The following MGMT variants were observed in gnomAD, a reference collection of about 807,000 sequenced individuals.
MGMT encodes the protein O-6-methylguanine-DNA methyltransferase.
A neutral mutation model predicts 15.9 loss-of-function variants in MGMT; 14 were observed. The ratio of observed to expected loss-of-function variants is 0.88; its 90% CI spans 0.58 to 1.37. The LOEUF is 1.37. Ranked by LOEUF, MGMT falls within the 40% of genes most tolerant of loss-of-function variation. MGMT has a pLI of 0.00. For synonymous variants in MGMT, 130 were observed against 118.2 expected (o/e 1.10, Z -0.65); for missense variants, 282 against 268.1 (o/e 1.05, Z -0.36).
intron 2 of MGMT, among the ~76,000 whole-genome samples, chr10:129,653,365 T>C (rs1233136780): frequency 1.3e-5 from 2 of 152,266 alleles, no homozygotes; most frequent in African/African-American, 4.8e-5. Context: ...GGATGGCCAG[T>C]ATCCTCTGGA....
At chr10:129,539,239 GTTTTT>G (rs926466443) in intron 2 of MGMT, among the ~76,000 whole-genome samples, 1 of 151,722 alleles carries the variant, frequency 6.6e-6, no homozygotes, top group African/African-American at 2.4e-5. Context: ...AAGCTTTGTA[GTTTTT>G]TTTATGTTTA....
chr10:129,545,690 C>G (rs529419493), intron 2 of MGMT, among the ~76,000 whole-genome samples: 2 of 152,202 alleles, frequency 1.3e-5, no homozygotes, highest in African/African-American at 4.8e-5. Flanking sequence ...CAACACACAC[C>G]TCTCATACTC....
chr10:129,650,038 ATTT>A (rs1847438882), intron 2 of MGMT, among the ~76,000 whole-genome samples: 1 of 152,180 alleles, frequency 6.6e-6, no homozygotes, highest in Non-Finnish European at 1.5e-5. Context: ...CTTGAGAAAT[ATTT>A]TTGATATTAT....
chr10:129,653,695 C>T (rs1328428267), intron 2 of MGMT, among the ~76,000 whole-genome samples: 1 of 152,208 alleles, frequency 6.6e-6, no homozygotes, highest in African/African-American at 2.4e-5. Context: ...AATGCTTCTG[C>T]TAAACAAGAG....
chr10:129,583,333 G>A (rs1846579293), intron 2 of MGMT, among the ~76,000 whole-genome samples: 1 of 152,182 alleles, frequency 6.6e-6, no homozygotes, highest in South Asian at 2.1e-4. Context: ...CTAATTCATT[G>A]TTTTTAGAGG....
At chr10:129,674,951 C>G (rs1847767542) in intron 2 of MGMT, among the ~76,000 whole-genome samples, 2 of 152,212 alleles carry the variant, frequency 1.3e-5, no homozygotes. Context: ...GAGAGAGGCA[C>G]TGCCCAGGAG....
intron 4 of MGMT, among the ~76,000 whole-genome samples, chr10:129,764,510 G>A (rs1848910836): frequency 6.6e-6 from 1 of 152,256 alleles, no homozygotes; most frequent in Non-Finnish European, 1.5e-5. Context: ...AGGTGCCCAA[G>A]AAATAGAGCT....
At chr10:129,514,511 C>G (rs1845716858) in intron 1 of MGMT, among the ~76,000 whole-genome samples, 1 of 152,160 alleles carries the variant, frequency 6.6e-6, no homozygotes, top group Non-Finnish European at 1.5e-5. Context: ...TTCATTTAAA[C>G]CACTATAATT....
intron 3 of MGMT, among the ~76,000 whole-genome samples, chr10:129,716,439 C>G (rs1564772058): frequency 6.6e-6 from 1 of 152,194 alleles, no homozygotes; most frequent in Non-Finnish European, 1.5e-5. Context: ...TGTCTGCTTT[C>G]TTTAAAAATG....
chr10:129,625,664 A>C (rs575402820), intron 2 of MGMT, among the ~76,000 whole-genome samples: 2 of 152,358 alleles, frequency 1.3e-5, no homozygotes, highest in South Asian at 4.1e-4. Context: ...ATGAAAATGC[A>C]CTGCAAAGTA....
chr10:129,550,809 A>C (rs1564849521), intron 2 of MGMT, among the ~76,000 whole-genome samples: 1 of 151,834 alleles, frequency 6.6e-6, no homozygotes, highest in African/African-American at 2.4e-5. Flanking sequence ...CTAACTCCCC[A>C]TTTCTGCCAG....
chr10:129,725,555 G>T (rs1384365893), intron 3 of MGMT, among the ~76,000 whole-genome samples: 1 of 152,212 alleles, frequency 6.6e-6, no homozygotes, highest in Non-Finnish European at 1.5e-5. Context: ...ACCTTTTCCA[G>T]GTGGTGGTTT....
chr10:129,521,175 G>A (rs1427689177), intron 1 of MGMT, among the ~76,000 whole-genome samples: 6 of 152,130 alleles, frequency 3.9e-5, no homozygotes, highest in African/African-American at 7.2e-5. Flanking sequence ...CTCAGGCCCC[G>A]CACATCGTCA....
chr10:129,681,041 C>T (rs1428472113), intron 2 of MGMT, among the ~76,000 whole-genome samples: 1 of 152,210 alleles, frequency 6.6e-6, no homozygotes, highest in Non-Finnish European at 1.5e-5. Flanking sequence ...GCTGCCTGTG[C>T]TGTGGCCCTG....
rs75867179 is a variant in MGMT, at chr10:129,719,812, A to T, written c.274+11769A>T. ...CCATAACACCCTTTCCGAGCCTCTG[A>T]TTATCTGTCTGTAAAGTGGGGACAG... On this transcript the variant is annotated intron_variant, in intron 3 of 4. Transcript: ENST00000651593. Among the ~76,000 whole-genome samples, 807 of 152,306 alleles carry T rather than the reference A, an allele frequency of 5.3e-3. 17 individuals are homozygous for T. Among genetic ancestry groups the T allele is most frequent in the Admixed American group, 0.042 (646 of 15,290 alleles).
intron 3 of MGMT, among the ~76,000 whole-genome samples, chr10:129,739,041 C>G (rs1348502791): frequency 6.6e-6 from 1 of 152,150 alleles, no homozygotes; most frequent in Non-Finnish European, 1.5e-5. Flanking sequence ...TAAACAGAAC[C>G]AAAGACAAAA....
chr10:129,646,193 TCC>T (rs528271475), intron 2 of MGMT, among the ~76,000 whole-genome samples: 3 of 152,054 alleles, frequency 2.0e-5, no homozygotes, highest in Non-Finnish European at 4.4e-5. Flanking sequence ...AGGAGTCCAG[TCC>T]CCAGGACTCT....
At position 129,608,770 on chromosome 10, in the gene MGMT, C is replaced by T. The variant is rs545980025; in HGVS notation, c.125+72393C>T. 2.4e-3 allele frequency among the ~76,000 whole-genome samples: 364 copies of T among 152,340 alleles called. 1 individual carries two copies. The highest frequency in any genetic ancestry group is 8.2e-3 in the African/African-American group (342 of 41,586). On this transcript the variant is annotated intron_variant, in intron 2 of 4. Coordinates refer to ENST00000651593, the MANE Select transcript of MGMT (RefSeq NM_002412.5). ...CTTTGGGAGGGGAGATGTGGAGTGA[C>T]AGTCCAGGAACTTTCTGCCCAGGGG...
intron 2 of MGMT, among the ~76,000 whole-genome samples, chr10:129,643,764 TAAC>T (rs1291751621): frequency 6.6e-6 from 1 of 152,226 alleles, no homozygotes; most frequent in African/African-American, 2.4e-5. Flanking sequence ...TCTTTGGTCT[TAAC>T]AACCCAACGT....
Sources: gnomAD v4.1 joint callset for allele counts (sites outside exome capture counted in the v4.1 genomes callset) on GRCh38, gnomAD v4.1.1 for gene constraint, MANE v1.5 for transcripts, NCBI Gene and HGNC (gene_info 2026-07-23, HGNC 2026-07-21) for gene names.